PEBP4: variants seen among roughly 807,000 people sequenced by gnomAD.
PEBP4 encodes phosphatidylethanolamine binding protein 4, also known as phosphatidylethanolamine-binding protein 4.
Under a neutral mutation model 23.9 loss-of-function variants are expected in PEBP4, and 22 were observed. That is an observed-to-expected ratio of 0.92 (90% CI 0.66 to 1.31). PEBP4 has a LOEUF of 1.31. PEBP4 is among the 40% of genes most tolerant of loss of function. The pLI, the probability that PEBP4 is intolerant of heterozygous loss-of-function variation, is 0.00. For missense variants in PEBP4, 324 were observed against 281.7 expected (o/e 1.15, Z -1.07); for synonymous variants, 112 against 99.3 (o/e 1.13, Z -0.76).
rs576717248 is a variant in PEBP4, at chr8:22,865,487, C to CCCGG, written c.259-47756_259-47753dup. On this transcript the variant is annotated intron_variant, in intron 3 of 6. Transcript: ENST00000256404. This position sits in a 1 kb window ranked among gnomAD's most constrained non-coding sequence, Gnocchi z 6.9. Reference sequence around the variant, plus strand: ...GCGAGGTGGAGCGCGCCACCGCCCCCCCGGCCGCGCAGCGAGAAGGAGCCT... The same window carrying CCCGG: ...GCGAGGTGGAGCGCGCCACCGCCCCCCCGGCCGGCCGCGCAGCGAGAAGGAGCCT... Among the ~76,000 whole-genome samples, 348 of 152,156 alleles carry CCCGG rather than the reference C, an allele frequency of 2.3e-3. 3 individuals are homozygous for CCCGG. Among genetic ancestry groups the CCCGG allele is most frequent in the Non-Finnish European group, 1.8e-3 (121 of 67,968 alleles).
chr8:22,767,799 C>T (rs747502910), intron 4 of PEBP4, among the ~76,000 whole-genome samples: 10 of 152,066 alleles, frequency 6.6e-5, no homozygotes, highest in African/African-American at 9.7e-5. Context: ...CTGTTGCCCA[C>T]GCTGGGCTCG....
chr8:22,821,092 C>T (rs898170170), intron 3 of PEBP4, among the ~76,000 whole-genome samples: 1 of 152,112 alleles, frequency 6.6e-6, no homozygotes, highest in Non-Finnish European at 1.5e-5. Flanking sequence ...ACTCGGGAGG[C>T]TGAAGTGGAA....
chr8:22,808,089 T>A (rs1806540859), intron 4 of PEBP4, among the ~76,000 whole-genome samples: 1 of 151,192 alleles, frequency 6.6e-6, no homozygotes, highest in African/African-American at 2.4e-5. Context: ...CCAACCTCTA[T>A]CCATCCATTC....
chr8:22,838,558 T>A (rs1477528611), intron 3 of PEBP4, among the ~76,000 whole-genome samples: 1 of 152,212 alleles, frequency 6.6e-6, no homozygotes, highest in Non-Finnish European at 1.5e-5. Context: ...TGACGCTCCC[T>A]CCCAACAGCA....
intron 4 of PEBP4, among the ~76,000 whole-genome samples, chr8:22,764,512 G>A (rs369785724): frequency 1.3e-5 from 2 of 152,174 alleles, no homozygotes; most frequent in Non-Finnish European, 2.9e-5. Flanking sequence ...CATGTGACCG[G>A]TGTAGTTGCC....
intron 2 of PEBP4, chr8:22,924,765 G>A (rs1434728900): frequency 4.1e-6 from 4 of 985,370 alleles, no homozygotes; most frequent in Non-Finnish European, 4.8e-6. Flanking sequence ...GGAGAATCAT[G>A]GTTCTTTCCA....
chr8:22,739,993 C>T (rs939607954), intron 4 of PEBP4, among the ~76,000 whole-genome samples: 6 of 152,146 alleles, frequency 3.9e-5, no homozygotes, highest in Non-Finnish European at 5.9e-5. Flanking sequence ...TCAGATTCCT[C>T]GTTCTGTTCT....
At chr8:22,925,328 C>T in intron 2 of PEBP4, 2 of 985,318 alleles carry the variant, frequency 2.0e-6, no homozygotes, top group South Asian at 9.4e-5. Context: ...AGTCTGGGAG[C>T]CCTGAACCTG....
At chr8:22,806,029 A>G (rs890988078) in intron 4 of PEBP4, among the ~76,000 whole-genome samples, 20 of 152,154 alleles carry the variant, frequency 1.3e-4, no homozygotes, top group African/African-American at 4.8e-4. Context: ...GTGGCTTGAC[A>G]TTCTATTATT....
chr8:22,815,855 G>A (rs192439552), intron 4 of PEBP4, among the ~76,000 whole-genome samples: 2 of 152,268 alleles, frequency 1.3e-5, no homozygotes, highest in Admixed American at 6.5e-5. Flanking sequence ...TGCAGGAGTC[G>A]GGGGTCTTCA....
At chr8:22,912,404 A>G (rs1377285062) in intron 3 of PEBP4, among the ~76,000 whole-genome samples, 3 of 152,230 alleles carry the variant, frequency 2.0e-5, no homozygotes, top group Non-Finnish European at 2.9e-5. Context: ...CAGTGAATAC[A>G]TGAATGACTG....
chr8:22,816,635 G>A (rs1025011165), intron 4 of PEBP4, among the ~76,000 whole-genome samples: 1 of 152,236 alleles, frequency 6.6e-6, no homozygotes, highest in African/African-American at 2.4e-5. Flanking sequence ...AAGATGAAAT[G>A]CCCAGAGGAG....
intron 3 of PEBP4, among the ~76,000 whole-genome samples, chr8:22,916,164 G>C (rs1809068014): frequency 6.6e-6 from 1 of 152,198 alleles, no homozygotes. Context: ...TTCCCTCCCT[G>C]TAATGCAATG....
chr8:22,737,964 G>A (rs1056359749), intron 4 of PEBP4, among the ~76,000 whole-genome samples: 1 of 152,146 alleles, frequency 6.6e-6, no homozygotes, highest in African/African-American at 2.4e-5. Flanking sequence ...ACGGCGTAGG[G>A]GCTGAGGATG....
At chr8:22,937,946 A>C (rs1374865868) in intron 1 of PEBP4, among the ~76,000 whole-genome samples, 1 of 152,178 alleles carries the variant, frequency 6.6e-6, no homozygotes, top group East Asian at 1.9e-4. Flanking sequence ...AAAATGGATC[A>C]AGATCTAAAT....
At chr8:22,830,343 C>G (rs998228626) in intron 3 of PEBP4, among the ~76,000 whole-genome samples, 1 of 152,006 alleles carries the variant, frequency 6.6e-6, no homozygotes, top group Non-Finnish European at 1.5e-5. Flanking sequence ...TGGGGTTTCA[C>G]CATGTTGGCC....
chr8:22,896,838 T>C (rs1179148056), intron 3 of PEBP4, among the ~76,000 whole-genome samples: 2 of 151,930 alleles, frequency 1.3e-5, no homozygotes. Context: ...TAGTTCTCTA[T>C]GTATACTGAT....
intron 3 of PEBP4, among the ~76,000 whole-genome samples, chr8:22,853,665 C>T (rs2128767511): frequency 6.6e-6 from 1 of 152,270 alleles, no homozygotes; most frequent in Non-Finnish European, 1.5e-5. Context: ...AGGAGGAAAT[C>T]CAGAAGGTGA....
In PEBP4 at chr8:22,775,082, A is replaced by G. The variant is rs1805788560; in HGVS notation, c.357+42555T>C. On this transcript the variant is annotated intron_variant, in intron 4 of 6. Transcript: ENST00000256404. This position sits in a 1 kb window ranked among gnomAD's most constrained non-coding sequence, Gnocchi z 4.8. The stretch of plus-strand genomic sequence containing the variant: ...AGTGCAGCTCTGCATTAAGTTAGCC[A>G]TGTGATACATTTTCCGTTGCCTCTC... Among the ~76,000 whole-genome samples the G allele has an allele frequency of 6.6e-6, 1 of 152,214 alleles. No individual in the cohort carries two copies. The highest frequency in any genetic ancestry group is 1.5e-5 in the Non-Finnish European group (1 of 68,040).
Sources: allele counts gnomAD v4.1 joint callset (sites outside exome capture counted in the v4.1 genomes callset), GRCh38; gene constraint gnomAD v4.1.1; non-coding constraint Gnocchi (gnomAD v3.1); transcripts MANE v1.5; gene names NCBI Gene and HGNC (gene_info 2026-07-23, HGNC 2026-07-21).